ATP10D: variants seen among roughly 807,000 people sequenced by gnomAD.
The protein encoded by ATP10D is ATPase phospholipid transporting 10D (putative).
In ATP10D, 89 loss-of-function variants were observed where a neutral mutation model predicts 144.8. That is an observed-to-expected ratio of 0.61 (90% CI 0.52 to 0.73). The LOEUF (loss-of-function observed/expected upper bound fraction) is 0.73, where lower values mean the gene tolerates loss of function less well. Among genes scored for constraint, ATP10D ranks in the 30% least tolerant of loss-of-function variants. The probability of loss-of-function intolerance (pLI) is 0.00; values close to 1 mark genes in which losing one functional copy is unlikely to be tolerated. For missense variants in ATP10D, 1,603 were observed against 1,714.8 expected, an observed-to-expected ratio of 0.93 and a Z score of 1.15; for synonymous variants, 571 against 615.1, an observed-to-expected ratio of 0.93 and a Z score of 1.06.
chr4:47,564,544 T>A (rs933581422), intron 15 of ATP10D, among the ~76,000 whole-genome samples: 1 of 152,120 alleles, frequency 6.6e-6, no homozygotes, highest in African/African-American at 2.4e-5. Flanking sequence ...AATCGTGCCC[T>A]CTTGTGGTAA....
At chr4:47,587,610 A>G (rs532228917) in intron 22 of ATP10D, among the ~76,000 whole-genome samples, 1 of 152,150 alleles carries the variant, frequency 6.6e-6, no homozygotes, top group South Asian at 2.1e-4. Flanking sequence ...TTGGAGGCTG[A>G]AAAGTCTAAC....
chr4:47,508,878 G>T (rs906805063), intron 1 of ATP10D, among the ~76,000 whole-genome samples: 2 of 152,180 alleles, frequency 1.3e-5, no homozygotes, highest in African/African-American at 4.8e-5. Context: ...CTAATGGTTT[G>T]TGACCACTGT....
At chr4:47,515,447 A>G (rs1231952389) in intron 2 of ATP10D, 29 bp from the exon 3 acceptor site, 2 of 1,579,806 alleles carry the variant, frequency 1.3e-6, no homozygotes, top group South Asian at 2.3e-5. Context: ...TAACTTCTTA[A>G]CACCTCCCTT....
At chr4:47,496,156 C>CT (rs5858072) in intron 1 of ATP10D, among the ~76,000 whole-genome samples, 63,922 of 131,254 alleles carry the variant, frequency 0.49, 16,906 homozygotes, top group Non-Finnish European at 0.58. Context: ...TTTCCTTTTT[C>CT]TTTTTTTTTT....
In ATP10D at chr4:47,581,994, T is replaced by C. The variant is rs1720543920; in HGVS notation, c.3683T>C (p.Phe1228Ser). Residue 1228 changes from phenylalanine to serine, a missense_variant, in exon 21 of 23, where the codon TTT becomes TCT. Physicochemically the swap from Phe to Ser is radical, Grantham distance 155. Transcript: ENST00000273859. ...GGCTCAGATACTGACATCTTTGCAT[T>C]TGGAAACCCCCTGAACACAGCCGCT... ...YQGSDTDIFA[F>S]GNPLNTAALF... is the part of the protein sequence containing the mutation. 6.2e-7 allele frequency: 1 copy of C among 1,613,924 alleles called. No homozygotes were observed. The highest frequency in any genetic ancestry group is 8.5e-7 in the Non-Finnish European group (1 of 1,179,960).
At chr4:47,523,770 G>A (rs886805359) in intron 4 of ATP10D, among the ~76,000 whole-genome samples, 19 of 152,110 alleles carry the variant, frequency 1.2e-4, no homozygotes, top group African/African-American at 3.9e-4. Context: ...CTACTCTATA[G>A]CATTGTTGTA....
intron 1 of ATP10D, among the ~76,000 whole-genome samples, chr4:47,502,360 A>C (rs1245325878): frequency 6.6e-6 from 1 of 151,842 alleles, no homozygotes; most frequent in East Asian, 1.9e-4. Flanking sequence ...AGTTCCAGCT[A>C]CTCGGGGGCT....
chr4:47,558,797 G>C, intron 12 of ATP10D, 126 bp from the exon 13 acceptor site: 1 of 716,434 alleles, frequency 1.4e-6, no homozygotes, highest in South Asian at 1.9e-5. Flanking sequence ...ATACCCATTT[G>C]GGATTCAAAA....
Position 47,581,965 on chromosome 4 carries a change from C to T in ATP10D, c.3654C>T (p.Tyr1218=), listed in dbSNP as rs181485134. ...LVCFFVPYFT[Y]QGSDTDIFAF... ...CTAATGTCCTCTCTTTGTAGACCTA[C>T]CAGGGCTCAGATACTGACATCTTTG... Residue 1218 remains tyrosine (Y), a synonymous_variant, in exon 21 of 23, where the codon TAC becomes TAT. Transcript: ENST00000273859. The T allele has an allele frequency of 1.2e-4, 193 of 1,613,296 alleles. No individual in the cohort carries two copies. The Admixed American group carries it at 1.6e-3, about 13-fold the overall frequency.
intron 20 of ATP10D, among the ~76,000 whole-genome samples, chr4:47,581,145 G>A (rs6844538): frequency 0.2 from 30,997 of 152,028 alleles, 3,760 homozygotes; most frequent in East Asian, 0.58. Context: ...GATATTCAGA[G>A]CATTAAATTT....
At chr4:47,489,626 C>T (rs1714970651) in intron 1 of ATP10D, among the ~76,000 whole-genome samples, 1 of 152,122 alleles carries the variant, frequency 6.6e-6, no homozygotes, top group Admixed American at 6.6e-5. Context: ...TATTATATAT[C>T]CCCTCTTTCA....
In ATP10D at chr4:47,569,029, T is replaced by C. The variant is rs776339727; in HGVS notation, c.3046T>C (p.Phe1016Leu). The C allele has an allele frequency of 1.9e-6, 3 of 1,614,064 alleles. No individual in the cohort carries two copies. The African/African-American group carries it at 4.0e-5, about 22-fold the overall frequency. ...FALQESLQKQFLELTSWCQAV... is the reference protein window; with the variant it reads ...FALQESLQKQLLELTSWCQAV... ...CCTGCAAGAAAGTCTGCAAAAGCAG[T>C]TCCTGGAACTGACATCTTGGTGTCA... The change falls in exon 16 of 23, where the codon TTC (phenylalanine) becomes CTC (leucine). Residue 1016 changes from phenylalanine to leucine, a missense_variant. Coordinates refer to ENST00000273859, the MANE Select transcript of ATP10D (RefSeq NM_020453.4).
chr4:47,576,734 C>T, intron 18 of ATP10D, 39 bp from the exon 19 acceptor site: 2 of 1,575,324 alleles, frequency 1.3e-6, no homozygotes, highest in South Asian at 1.1e-5. Context: ...GCACACATTA[C>T]TGATTCTAAG....
chr4:47,506,647 G>A lies in ATP10D; in HGVS notation c.-37-5857G>A, dbSNP rs1577621675. 2.6e-5 allele frequency among the ~76,000 whole-genome samples: 4 copies of A among 152,168 alleles called. No homozygotes were observed. In the South Asian group the frequency reaches 8.3e-4, roughly 32 times the overall value. On this transcript the variant is annotated intron_variant, in intron 1 of 22. Transcript: ENST00000273859. ...TTGTAAATCAATACCTCTAAGGACA[G>A]CAGATTACTGAGGATAGTAGAGTAT...
intron 21 of ATP10D, among the ~76,000 whole-genome samples, chr4:47,584,936 C>G (rs932072604): frequency 2.6e-5 from 4 of 152,136 alleles, no homozygotes; most frequent in East Asian, 3.9e-4. Context: ...AGAAGAAAAT[C>G]TAATCTTATT....
chr4:47,573,910 C>T (rs1047790125), intron 18 of ATP10D, among the ~76,000 whole-genome samples: 2 of 151,828 alleles, frequency 1.3e-5, no homozygotes, highest in Non-Finnish European at 2.9e-5. Flanking sequence ...TAGCACAGTA[C>T]ACTTTTCAGG....
In ATP10D at chr4:47,578,863, G is replaced by A. The variant is rs560264920; in HGVS notation, c.3568-1535G>A. 2.6e-5 allele frequency among the ~76,000 whole-genome samples: 4 copies of A among 152,296 alleles called. No homozygotes were observed. In the East Asian group the frequency reaches 7.7e-4, roughly 29 times the overall value. ...AACGAAGGGATAAAAAAGGATAGAT[G>A]TAAAAATTCCAAGTATATTATTCTA... On this transcript the variant is annotated intron_variant, in intron 19 of 22. Coordinates refer to ENST00000273859, the MANE Select transcript of ATP10D (RefSeq NM_020453.4).
intron 5 of ATP10D, among the ~76,000 whole-genome samples, chr4:47,530,818 C>A (rs1717528794): frequency 1.3e-5 from 2 of 152,322 alleles, no homozygotes; most frequent in South Asian, 4.1e-4. Context: ...ATATGTTAAA[C>A]TATCCTTCTG....
intron 10 of ATP10D, among the ~76,000 whole-genome samples, chr4:47,553,816 T>G (rs1177900388): frequency 5.3e-5 from 8 of 152,214 alleles, no homozygotes; most frequent in Non-Finnish European, 1.5e-5. Context: ...TCATACATCC[T>G]TATATTTTAC....
Sources: gnomAD v4.1 joint callset for allele counts (sites outside exome capture counted in the v4.1 genomes callset) on GRCh38, gnomAD v4.1.1 for gene constraint, MANE v1.5 for transcripts, NCBI Gene and HGNC (gene_info 2026-07-23, HGNC 2026-07-21) for gene names.